The following LAMA2 variants were observed in gnomAD, a reference collection of about 807,000 sequenced individuals.
LAMA2 encodes laminin subunit alpha-2.
Under a neutral mutation model 364.8 loss-of-function variants are expected in LAMA2, and 269 were observed. The ratio of observed to expected loss-of-function variants is 0.74; its 90% CI spans 0.67 to 0.82. LAMA2 has a LOEUF of 0.82. Among genes scored for constraint, LAMA2 ranks in the 40% least tolerant of loss-of-function variants. The pLI is 0.00. For synonymous variants in LAMA2, 1,379 were observed against 1,370.6 expected, an observed-to-expected ratio of 1.01 and a Z score of -0.14; for missense variants, 3,807 against 3,873.2, an observed-to-expected ratio of 0.98 and a Z score of 0.45.
chr6:129,431,651 A>G (rs1291913891), intron 41 of LAMA2, among the ~76,000 whole-genome samples: 2 of 152,190 alleles, frequency 1.3e-5, no homozygotes, highest in African/African-American at 2.4e-5. Context: ...ACTTCATAAC[A>G]TAAACTTTAT....
chr6:129,197,519 C>G (rs562838571), intron 12 of LAMA2, among the ~76,000 whole-genome samples: 1 of 152,338 alleles, frequency 6.6e-6, no homozygotes, highest in African/African-American at 2.4e-5. Flanking sequence ...CTGGGCCGAA[C>G]CAATGTGTAA....
At chr6:129,475,987 C>T (rs1335201176) in intron 53 of LAMA2, among the ~76,000 whole-genome samples, 1 of 152,128 alleles carries the variant, frequency 6.6e-6, no homozygotes, top group African/African-American at 2.4e-5. Context: ...TCTGGAAATA[C>T]TATATTTAAA....
chr6:128,886,389 C>T (rs1372131254), intron 1 of LAMA2, among the ~76,000 whole-genome samples: 1 of 152,074 alleles, frequency 6.6e-6, no homozygotes, highest in East Asian at 1.9e-4. Context: ...AAAGGCCACT[C>T]TGAATTGCAG....
chr6:129,324,383 C>T (rs1163812527), intron 28 of LAMA2, among the ~76,000 whole-genome samples: 1 of 152,138 alleles, frequency 6.6e-6, no homozygotes, highest in African/African-American at 2.4e-5. Flanking sequence ...CCAACATCAT[C>T]GACTATAATT....
chr6:129,151,343 CA>C (rs1300097773), intron 7 of LAMA2, among the ~76,000 whole-genome samples: 2 of 152,194 alleles, frequency 1.3e-5, no homozygotes, highest in Non-Finnish European at 2.9e-5. Context: ...CTTATACTGG[CA>C]GCAGAAGTTT....
At chr6:129,327,889 A>AT (rs1454703196) in intron 28 of LAMA2, among the ~76,000 whole-genome samples, 1 of 152,186 alleles carries the variant, frequency 6.6e-6, no homozygotes. Flanking sequence ...TTCATTGGAC[A>AT]TTTGCTAGTT....
chr6:129,122,158 G>T (rs1342087163), intron 4 of LAMA2, among the ~76,000 whole-genome samples: 2 of 152,148 alleles, frequency 1.3e-5, no homozygotes, highest in African/African-American at 4.8e-5. Flanking sequence ...ACTCTTTGTA[G>T]ACCTTCCATC....
At chr6:129,075,781 G>A (rs9402099) in intron 3 of LAMA2, among the ~76,000 whole-genome samples, 144,913 of 152,228 alleles carry the variant, frequency 0.95, 69,058 homozygotes, top group East Asian at 0.97. Flanking sequence ...CTGTTTTAAC[G>A]TGTTATCTTT....
chr6:129,299,509 T>C (rs1033097690), intron 21 of LAMA2, among the ~76,000 whole-genome samples: 2 of 152,158 alleles, frequency 1.3e-5, no homozygotes, highest in Non-Finnish European at 2.9e-5. Context: ...GTTTTCTTTC[T>C]ATTTAGTGTT....
At chr6:129,353,494 ACTAT>A (rs1776980047) in intron 32 of LAMA2, 137 bp downstream of exon 32, 2 of 713,340 alleles carry the variant, frequency 2.8e-6, no homozygotes, top group Middle Eastern at 3.9e-4. Flanking sequence ...TCTTTCTGAC[ACTAT>A]CTATCCACCT....
intron 4 of LAMA2, among the ~76,000 whole-genome samples, chr6:129,106,480 G>A (rs544375182): frequency 2.6e-5 from 4 of 152,144 alleles, no homozygotes; most frequent in Non-Finnish European, 5.9e-5. Flanking sequence ...GAGAAACAGC[G>A]GAGTATTACT....
intron 12 of LAMA2, among the ~76,000 whole-genome samples, chr6:129,198,782 T>C (rs1033017009): frequency 6.6e-6 from 1 of 151,920 alleles, no homozygotes; most frequent in Non-Finnish European, 1.5e-5. Flanking sequence ...AGGAATATCC[T>C]TCTAGGAAAA....
chr6:129,246,448 A>G (rs1396104987), intron 12 of LAMA2, among the ~76,000 whole-genome samples: 1 of 152,200 alleles, frequency 6.6e-6, no homozygotes, highest in Non-Finnish European at 1.5e-5. Flanking sequence ...AATGTTTACA[A>G]TATTCCACTG....
intron 61 of LAMA2, among the ~76,000 whole-genome samples, chr6:129,507,278 A>C (rs1786168084): frequency 6.6e-6 from 1 of 152,144 alleles, no homozygotes. Context: ...CAGGATAGAC[A>C]CATCCAAGTT....
chr6:129,478,094 A>C (rs866258849), intron 53 of LAMA2, among the ~76,000 whole-genome samples: 5 of 152,322 alleles, frequency 3.3e-5, no homozygotes, highest in Non-Finnish European at 5.9e-5. Flanking sequence ...ACACTCGGCC[A>C]GTAAACCTAA....
At chr6:129,365,923 A>G (rs1369561586) in intron 32 of LAMA2, among the ~76,000 whole-genome samples, 1 of 152,154 alleles carries the variant, frequency 6.6e-6, no homozygotes. Context: ...GAAATCTTCA[A>G]TACTTGTGCA....
At chr6:129,208,671 GAA>G (rs1388935180) in intron 12 of LAMA2, among the ~76,000 whole-genome samples, 1 of 108,278 alleles carries the variant, frequency 9.2e-6, no homozygotes, top group Non-Finnish European at 1.7e-5. Flanking sequence ...GAAAGAAAGA[GAA>G]AGAGAAGGAA....
intron 1 of LAMA2, among the ~76,000 whole-genome samples, chr6:128,969,332 A>G (rs1782045854): frequency 2.0e-5 from 3 of 152,214 alleles, no homozygotes; most frequent in Admixed American, 2.0e-4. Context: ...AAGACAGTGG[A>G]CATGAATTCC....
chr6:129,103,832 G>A (rs9402105), intron 4 of LAMA2, among the ~76,000 whole-genome samples: 146,525 of 152,210 alleles, frequency 0.96, 70,777 homozygotes, highest in East Asian at 1. Context: ...CATAGTAGGT[G>A]TATATATTTT....
Sources: allele counts gnomAD v4.1 joint callset (sites outside exome capture counted in the v4.1 genomes callset), GRCh38; gene constraint gnomAD v4.1.1; transcripts MANE v1.5; gene names NCBI Gene and HGNC (gene_info 2026-07-23, HGNC 2026-07-21).